The following PTK2 variants were observed in gnomAD, a reference collection of about 807,000 sequenced individuals.
PTK2 encodes the protein focal adhesion kinase 1.
Under a neutral mutation model 150.1 loss-of-function variants are expected in PTK2, and 45 were observed. The ratio of observed to expected loss-of-function variants is 0.30; its 90% CI spans 0.24 to 0.38. The LOEUF (loss-of-function observed/expected upper bound fraction) is 0.38. Ranked by LOEUF, PTK2 falls within the 10% of genes least tolerant of loss-of-function variation. The pLI is 1.00. For synonymous variants in PTK2, 432 were observed against 449.2 expected, an observed-to-expected ratio of 0.96 and a Z score of 0.48; for missense variants, 919 against 1,307.3, an observed-to-expected ratio of 0.70 and a Z score of 4.58.
intron 1 of PTK2, among the ~76,000 whole-genome samples, chr8:140,936,110 A>G (rs1476638529): frequency 6.6e-6 from 1 of 152,184 alleles, no homozygotes; most frequent in Non-Finnish European, 1.5e-5. Flanking sequence ...CAAGTGAGCT[A>G]TGATAGTGCT....
At chr8:140,880,083 C>A (rs1019448253) in intron 3 of PTK2, among the ~76,000 whole-genome samples, 9 of 152,172 alleles carry the variant, frequency 5.9e-5, no homozygotes, top group Admixed American at 5.9e-4. Flanking sequence ...CAGGCTGCAA[C>A]ATTCATAATC....
chr8:140,743,741 T>C (rs1287427829), intron 19 of PTK2, among the ~76,000 whole-genome samples: 2 of 151,978 alleles, frequency 1.3e-5, no homozygotes, highest in Admixed American at 6.6e-5. Flanking sequence ...ATGATTTTGC[T>C]GATGCAGCTT....
At chr8:140,940,043 T>C (rs945502769) in intron 1 of PTK2, among the ~76,000 whole-genome samples, 1 of 152,096 alleles carries the variant, frequency 6.6e-6, no homozygotes, top group Non-Finnish European at 1.5e-5. Flanking sequence ...AAAGAATAAA[T>C]CCATTTACTT....
chr8:140,693,811 T>C (rs2100024712), intron 26 of PTK2, among the ~76,000 whole-genome samples: 1 of 152,036 alleles, frequency 6.6e-6, no homozygotes, highest in Admixed American at 6.6e-5. Context: ...GATGATGTGA[T>C]CTCTGAAAAC....
chr8:140,968,348 G>A (rs906017973), intron 1 of PTK2, among the ~76,000 whole-genome samples: 1 of 152,082 alleles, frequency 6.6e-6, no homozygotes, highest in African/African-American at 2.4e-5. Flanking sequence ...TACACTGTTA[G>A]GAACTGTACT....
At chr8:140,960,490 G>A (rs2100182761) in intron 1 of PTK2, among the ~76,000 whole-genome samples, 1 of 151,998 alleles carries the variant, frequency 6.6e-6, no homozygotes, top group Non-Finnish European at 1.5e-5. Flanking sequence ...TTACAGGTAT[G>A]AGCCACCGCG....
intron 1 of PTK2, among the ~76,000 whole-genome samples, chr8:140,958,289 C>G (rs557545366): frequency 3.9e-4 from 59 of 152,198 alleles, no homozygotes; most frequent in African/African-American, 1.3e-3. Flanking sequence ...CAGGTCTGTG[C>G]CACCATACCC....
Position 140,864,293 on chromosome 8 carries a change from T to A in PTK2, c.450+19A>T, listed in dbSNP as rs746764442. ...TCAAAGAAACAAACAAAAAAGTATA[T>A]GAAAGCAGTCTCTAATACCTGTTGA... On this transcript the variant is annotated intron_variant, in intron 5 of 31. Coordinates refer to ENST00000522684, the Ensembl canonical transcript of PTK2. 1 of 1,396,796 alleles carries A rather than the reference T, an allele frequency of 7.2e-7. No homozygotes were observed. Among genetic ancestry groups the A allele is most frequent in the South Asian group, 1.5e-5 (1 of 67,554 alleles). The allele number at this position is 1,396,796 out of a possible 1,614,324, so 86.5% of individuals were successfully genotyped here.
At chr8:140,844,896 T>G (rs1336654415) in intron 7 of PTK2, among the ~76,000 whole-genome samples, 1 of 152,162 alleles carries the variant, frequency 6.6e-6, no homozygotes, top group Non-Finnish European at 1.5e-5. Flanking sequence ...TCCGAGTAAC[T>G]TGTCTTCTTT....
intron 5 of PTK2, among the ~76,000 whole-genome samples, chr8:140,858,257 G>A (rs1266254972): frequency 6.6e-6 from 1 of 151,854 alleles, no homozygotes; most frequent in African/African-American, 2.4e-5. Context: ...CACATATGGA[G>A]AGACTGAGGA....
intron 2 of PTK2, among the ~76,000 whole-genome samples, chr8:140,894,900 T>C (rs530281259): frequency 3.3e-4 from 51 of 152,266 alleles, no homozygotes; most frequent in African/African-American, 3.1e-4. Context: ...TCTGATCTAA[T>C]TGACATAGAA....
chr8:140,800,823 CAA>C (rs2100094605), intron 11 of PTK2, among the ~76,000 whole-genome samples: 1 of 152,052 alleles, frequency 6.6e-6, no homozygotes, highest in African/African-American at 2.4e-5. Flanking sequence ...TTTCTAGAAT[CAA>C]AAGAGATGAA....
chr8:140,759,389 C>G (rs541921269), intron 16 of PTK2, among the ~76,000 whole-genome samples: 1 of 151,932 alleles, frequency 6.6e-6, no homozygotes, highest in East Asian at 1.9e-4. Context: ...AAATAATTAG[C>G]TGGGAATGAT....
At chr8:140,694,235 G>T (rs1244361783) in intron 26 of PTK2, among the ~76,000 whole-genome samples, 1 of 151,886 alleles carries the variant, frequency 6.6e-6, no homozygotes, top group Non-Finnish European at 1.5e-5. Context: ...TAGAGACGGG[G>T]TTTCACCATG....
At chr8:140,754,258 G>C (rs2100064400) in intron 16 of PTK2, among the ~76,000 whole-genome samples, 1 of 152,208 alleles carries the variant, frequency 6.6e-6, no homozygotes, top group Non-Finnish European at 1.5e-5. Flanking sequence ...CACAGAATGT[G>C]AACAAGAGCA....
intron 27 of PTK2, among the ~76,000 whole-genome samples, chr8:140,677,108 T>C (rs2100014380): frequency 6.6e-6 from 1 of 152,178 alleles, no homozygotes; most frequent in Admixed American, 6.5e-5. Context: ...AATTTTCTTA[T>C]ATGGATGTCT....
At chr8:140,910,077 A>G (rs982949376) in intron 2 of PTK2, among the ~76,000 whole-genome samples, 2 of 152,224 alleles carry the variant, frequency 1.3e-5, no homozygotes, top group Non-Finnish European at 2.9e-5. Context: ...AAAAGTTAAA[A>G]TAAGAATATA....
intron 1 of PTK2, among the ~76,000 whole-genome samples, chr8:140,956,382 C>T (rs1035694816): frequency 3.9e-5 from 6 of 152,180 alleles, no homozygotes; most frequent in African/African-American, 9.7e-5. Context: ...ATTACTCACG[C>T]GTTTTAGTGA....
chr8:140,800,399 C>A (rs886821220), intron 12 of PTK2, 60 bp downstream of exon 12: 1 of 1,342,882 alleles, frequency 7.4e-7, no homozygotes, highest in Admixed American at 1.7e-5. Flanking sequence ...CTGTTAGGGG[C>A]AAGCACAGCT....
Sources: allele counts gnomAD v4.1 joint callset (sites outside exome capture counted in the v4.1 genomes callset), GRCh38; gene constraint gnomAD v4.1.1; transcripts MANE v1.5; gene names NCBI Gene and HGNC (gene_info 2026-07-23, HGNC 2026-07-21).